The following GSTA3 variants were observed in gnomAD, a reference collection of about 807,000 sequenced individuals.
GSTA3 encodes glutathione S-transferase A3.
A neutral mutation model predicts 23.1 loss-of-function variants in GSTA3; 16 were observed. The observed-to-expected ratio is 0.69, with a 90% confidence interval of 0.47 to 1.05. The LOEUF (loss-of-function observed/expected upper bound fraction) is 1.05, where lower values mean the gene tolerates loss of function less well. GSTA3 is among the 50% of genes least tolerant of loss of function. The pLI is 0.00. For synonymous variants in GSTA3, 122 were observed against 91.0 expected (o/e 1.34, Z -1.94); for missense variants, 319 against 263.6 (o/e 1.21, Z -1.46).
At chr6:52,898,765 G>A (rs1765555235) in intron 5 of GSTA3, among the ~76,000 whole-genome samples, 2 of 152,088 alleles carry the variant, frequency 1.3e-5, no homozygotes, top group Admixed American at 1.3e-4. Context: ...CTATATAGAA[G>A]GGTGCGCTCT....
chr6:52,899,921 C>A lies in GSTA3; in HGVS notation c.414+13G>T. 6.2e-7 allele frequency: 1 copy of A among 1,613,862 alleles called. No individual in the cohort carries two copies. Among genetic ancestry groups the A allele is most frequent in the East Asian group, 2.2e-5 (1 of 44,866 alleles). ...AAACTCAGTGCCCCAAAATGCTGAA[C>A]AGCTTCACCTACTTTTTCGAAGGCA... On this transcript the variant is annotated intron_variant, in intron 5 of 6. Coordinates refer to ENST00000211122, the MANE Select transcript of GSTA3 (RefSeq NM_000847.5).
intron 2 of GSTA3, 35 bp downstream of exon 2, chr6:52,905,713 A>G (rs1214795900): frequency 8.5e-7 from 1 of 1,175,322 alleles, no homozygotes; most frequent in Middle Eastern, 1.9e-4. Context: ...ACAGTCAATT[A>G]GGTCCAACTT....
At position 52,900,070 on chromosome 6, in the gene GSTA3, T is replaced by C. The variant is rs761223280; in HGVS notation, c.278A>G (p.Asp93Gly). Reference protein sequence around the residue: ...GKDIKERALIDMYTEGMADLN... With the variant: ...GKDIKERALIGMYTEGMADLN... ...ATCTGCCATACCTTCTGTATACATA[T>C]CAATTCTGAAAGACAAAAACAGCCA... is the stretch of plus-strand genomic sequence containing the variant. Residue 93 changes from aspartate to glycine, a missense_variant, in exon 5 of 7, where the codon GAT becomes GGT. By Grantham distance (94) the Asp-to-Gly change is moderately conservative. Transcript: ENST00000211122. 6.9e-6 allele frequency: 11 copies of C among 1,600,220 alleles called. No homozygotes were observed. In the East Asian group the frequency reaches 2.2e-4, roughly 33 times the overall value.
intron 1 of GSTA3, among the ~76,000 whole-genome samples, chr6:52,908,024 C>T (rs1765953220): frequency 6.6e-6 from 1 of 151,462 alleles, no homozygotes. Context: ...TTTTTATGTC[C>T]CCCACCCCTC....
rs1435033867 is a variant in GSTA3 at position 52,909,696 on chromosome 6, T to C, written c.-77A>G. ...CTTCTCAAGGCCACCTCCTGATGTGTATGTTAGCTGTTTTAATACTATGAC... is the reference window on the plus strand; with the variant it reads ...CTTCTCAAGGCCACCTCCTGATGTGCATGTTAGCTGTTTTAATACTATGAC... On this transcript the variant is annotated 5_prime_UTR_variant, in exon 1 of 7. In the 5' UTR this introduces an upstream ATG that the reference lacks. Coordinates refer to ENST00000211122, the MANE Select transcript of GSTA3 (RefSeq NM_000847.5). 6.6e-6 allele frequency: 1 copy of C among 152,170 alleles called. No homozygotes were observed. The highest frequency in any genetic ancestry group is 1.5e-5 in the Non-Finnish European group (1 of 68,032). The allele number at this position is 152,170 out of a possible 1,614,324, so 9.4% of individuals were successfully genotyped here. A position where few individuals can be genotyped will look rare whatever the true frequency, so the allele number is the denominator to read the frequency against.
At chr6:52,899,192 G>A (rs139112872) in intron 5 of GSTA3, among the ~76,000 whole-genome samples, 1 of 152,188 alleles carries the variant, frequency 6.6e-6, no homozygotes, top group East Asian at 1.9e-4. Context: ...GGGTGGAGTA[G>A]GTAATCGAAA....
chr6:52,897,766 A>G, intron 6 of GSTA3, 59 bp downstream of exon 6: 1 of 1,595,230 alleles, frequency 6.3e-7, no homozygotes, highest in Non-Finnish European at 8.6e-7. Flanking sequence ...GGGCCCAGAT[A>G]CTAGATCCCA....
Position 52,903,673 on chromosome 6 carries a change from T to G in GSTA3, c.139+3A>C, listed in dbSNP as rs1480937514. The G allele has an allele frequency of 6.6e-7, 1 of 1,525,084 alleles. No individual in the cohort carries two copies. The highest frequency in any genetic ancestry group is 1.1e-5 in the South Asian group (1 of 89,112). 94.5% of individuals were successfully genotyped at this position (1,525,084 alleles called of 1,614,324 possible). A position where few individuals can be genotyped will look rare whatever the true frequency, so the allele number is the denominator to read the frequency against. Reference sequence around the variant, plus strand: ...TCAGAGGCACTTAGAGACTTGATCTTACCATTTCTTAACTTTCCCAAATCT... The same window carrying G: ...TCAGAGGCACTTAGAGACTTGATCTGACCATTTCTTAACTTTCCCAAATCT... On this transcript the variant is annotated splice_donor_region_variant and intron_variant, in intron 3 of 6. Coordinates refer to ENST00000211122, the MANE Select transcript of GSTA3 (RefSeq NM_000847.5).
intron 3 of GSTA3, among the ~76,000 whole-genome samples, chr6:52,903,446 A>T (rs2127360731): frequency 1.3e-5 from 2 of 151,492 alleles, no homozygotes; most frequent in Middle Eastern, 6.8e-3. Flanking sequence ...AAAAAAAAAA[A>T]ACTAGCCTGG....
intron 1 of GSTA3, among the ~76,000 whole-genome samples, chr6:52,908,083 C>T (rs1269817802): frequency 1.3e-5 from 2 of 151,232 alleles, no homozygotes; most frequent in East Asian, 3.9e-4. Flanking sequence ...TCTTTAAGCA[C>T]AGTGTAGTGC....
At chr6:52,900,648 C>T (rs1045881625) in intron 4 of GSTA3, among the ~76,000 whole-genome samples, 5 of 152,192 alleles carry the variant, frequency 3.3e-5, no homozygotes, top group African/African-American at 1.2e-4. Flanking sequence ...GTACAAAGAG[C>T]ATCGGTGACC....
In GSTA3 at chr6:52,898,543, T is replaced by G. The variant is rs184529556; in HGVS notation, c.415-587A>C. Among the ~76,000 whole-genome samples, 1,053 of 152,280 alleles carry G rather than the reference T, an allele frequency of 6.9e-3. 8 individuals carry two copies. The highest frequency in any genetic ancestry group is 0.011 in the Non-Finnish European group (763 of 68,006). On this transcript the variant is annotated intron_variant, in intron 5 of 6. Transcript: ENST00000211122. ...TATTGGGGTCTAGTAAATTGAAATT[T>G]TGCTGGAAAATTATAACTTGGGTAT...
rs143379014 is a variant in GSTA3 at position 52,902,464 on chromosome 6, A to G, written c.154T>C (p.Phe52Leu). The G allele has an allele frequency of 7.9e-5, 128 of 1,611,312 alleles. No individual in the cohort carries two copies. The Middle Eastern group carries it at 1.2e-3, about 15-fold the overall frequency. Residue 52 changes from phenylalanine to leucine, a missense_variant, in exon 4 of 7, where the codon TTC becomes CTC. Physicochemically the swap from Phe to Leu is conservative, Grantham distance 22 (BLOSUM62 0). Coordinates refer to ENST00000211122, the MANE Select transcript of GSTA3 (RefSeq NM_000847.5). Reference protein sequence around the residue: ...GKLRNDGSLMFQQVPMVEIDG... With the variant: ...GKLRNDGSLMLQQVPMVEIDG... ...ATCTCAACCATTGGTACTTGCTGGA[A>G]CATCAAACTCCCATCTTTAGAAAGA...
At chr6:52,907,306 T>G (rs1415051976) in intron 1 of GSTA3, among the ~76,000 whole-genome samples, 1 of 122,092 alleles carries the variant, frequency 8.2e-6, no homozygotes, top group East Asian at 2.4e-4. Context: ...TGGCAATCAT[T>G]AAAAAGTCAG....
intron 5 of GSTA3, 41 bp from the exon 6 acceptor site, chr6:52,897,997 C>CCTAGATCCTGG: frequency 1.2e-6 from 2 of 1,611,720 alleles, no homozygotes; most frequent in Non-Finnish European, 1.7e-6. Context: ...ACATGCGCAC[C>CCTAGATCCTGG]CAGGATGGGA....
intron 6 of GSTA3, among the ~76,000 whole-genome samples, chr6:52,897,445 G>C (rs544909800): frequency 6.6e-6 from 1 of 152,204 alleles, no homozygotes; most frequent in Non-Finnish European, 1.5e-5. Flanking sequence ...AGAGCCTAAG[G>C]AAGGAACCAG....
At chr6:52,905,108 GTTTCCATGTAC>G (rs1275346541) in intron 2 of GSTA3, among the ~76,000 whole-genome samples, 1 of 152,092 alleles carries the variant, frequency 6.6e-6, no homozygotes, top group South Asian at 2.1e-4. Context: ...ATGACATTTA[GTTTCCATGTAC>G]TTAGCATTTT....
Position 52,909,100 on chromosome 6 carries a change from A to G in GSTA3, c.-22+541T>C, listed in dbSNP as rs573465461. On this transcript the variant is annotated intron_variant, in intron 1 of 6. Coordinates refer to ENST00000211122, the MANE Select transcript of GSTA3 (RefSeq NM_000847.5). ...CAGTAAACTAATCTGTGTAAAATCA[A>G]TGATGGAAGTGTAAATTTAGATCCT... is the stretch of plus-strand genomic sequence containing the variant. 1.2e-4 allele frequency among the ~76,000 whole-genome samples: 18 copies of G among 152,348 alleles called. No homozygotes were observed. The South Asian group carries it at 2.9e-3, about 25-fold the overall frequency.
chr6:52,903,091 C>T (rs899931406), intron 3 of GSTA3, among the ~76,000 whole-genome samples: 2 of 152,218 alleles, frequency 1.3e-5, no homozygotes, highest in South Asian at 4.1e-4. Context: ...CACGGTGCCC[C>T]AAGCATGAAA....
Sources: allele counts gnomAD v4.1 joint callset (sites outside exome capture counted in the v4.1 genomes callset), GRCh38; gene constraint gnomAD v4.1.1; transcripts MANE v1.5; gene names NCBI Gene and HGNC (gene_info 2026-07-23, HGNC 2026-07-21).